The following VTCN1 variants were observed in gnomAD, a reference collection of about 807,000 sequenced individuals.
VTCN1 encodes V-set domain-containing T-cell activation inhibitor 1.
VTCN1 carries 26 observed loss-of-function variants against 26.5 expected under a neutral mutation model. The ratio of observed to expected loss-of-function variants is 0.98; its 90% CI spans 0.72 to 1.36. The LOEUF is 1.36. Ranked by LOEUF, VTCN1 falls within the 40% of genes most tolerant of loss-of-function variation. VTCN1 has a pLI of 0.00. For missense variants in VTCN1, 298 were observed against 337.7 expected, an observed-to-expected ratio of 0.88 and a Z score of 0.92; for synonymous variants, 116 against 130.7, an observed-to-expected ratio of 0.89 and a Z score of 0.77.
intron 4 of VTCN1, among the ~76,000 whole-genome samples, chr1:117,149,724 A>C (rs1651695983): frequency 1.3e-5 from 2 of 152,248 alleles, no homozygotes; most frequent in African/African-American, 4.8e-5. Context: ...TACTCTGAAC[A>C]TACTTGGCAC....
At chr1:117,171,223 C>T (rs981240212) in intron 1 of VTCN1, among the ~76,000 whole-genome samples, 11 of 152,104 alleles carry the variant, frequency 7.2e-5, no homozygotes, top group East Asian at 1.9e-4. Context: ...ATGGTGTATA[C>T]GTGCCACATT....
intron 1 of VTCN1, among the ~76,000 whole-genome samples, chr1:117,170,964 C>A (rs1171181308): frequency 6.6e-6 from 1 of 152,140 alleles, no homozygotes; most frequent in Non-Finnish European, 1.5e-5. Context: ...GGTTTTAAGA[C>A]CTGCATGCAT....
At chr1:117,196,121 C>T (rs1648495305) in intron 1 of VTCN1, among the ~76,000 whole-genome samples, 1 of 151,978 alleles carries the variant, frequency 6.6e-6, no homozygotes, top group African/African-American at 2.4e-5. Context: ...CACTGCACTC[C>T]AGGTGAGGCA....
At chr1:117,195,262 AAATAATAATAATAAT>A (rs61710825) in intron 1 of VTCN1, among the ~76,000 whole-genome samples, 26 of 142,498 alleles carry the variant, frequency 1.8e-4, no homozygotes, top group South Asian at 2.3e-4. Flanking sequence ...CTCCGTCTCA[AAATAATAATAATAAT>A]AATAATAATA....
intron 3 of VTCN1, among the ~76,000 whole-genome samples, chr1:117,156,326 A>C (rs1652067158): frequency 6.6e-6 from 1 of 152,226 alleles, no homozygotes; most frequent in South Asian, 2.1e-4. Context: ...ATTTTGTTGA[A>C]TAGAGAACAC....
At chr1:117,176,745 C>T (rs1395946161) in intron 1 of VTCN1, among the ~76,000 whole-genome samples, 1 of 152,146 alleles carries the variant, frequency 6.6e-6, no homozygotes. Context: ...CACAAACCAA[C>T]GAGGTGACTA....
In VTCN1 at chr1:117,148,631, T is replaced by C. The variant is rs115935970; in HGVS notation, c.725-849A>G. Among the ~76,000 whole-genome samples the C allele has an allele frequency of 4.7e-3, 717 of 152,294 alleles. 4 individuals are homozygous for C. The highest frequency in any genetic ancestry group is 0.017 in the African/African-American group (696 of 41,564). On this transcript the variant is annotated intron_variant, in intron 4 of 5. Coordinates refer to ENST00000369458, the MANE Select transcript of VTCN1 (RefSeq NM_024626.4). ...CTGCTAGATATGTCATTTAAAAACA[T>C]AATTATTCAGTAAATATTTCTGAGT... is the stretch of plus-strand genomic sequence containing the variant.
intron 1 of VTCN1, among the ~76,000 whole-genome samples, chr1:117,202,683 G>A (rs192364968): frequency 3.3e-5 from 5 of 152,302 alleles, no homozygotes; most frequent in Admixed American, 2.6e-4. Flanking sequence ...CCATTTTACA[G>A]ATGAGGAATC....
rs976191415 is a variant in VTCN1, at chr1:117,147,867, T to G, written c.725-85A>C. The G allele has an allele frequency of 6.6e-7, 1 of 1,515,164 alleles. No individual in the cohort carries two copies. The highest frequency in any genetic ancestry group is 1.4e-5 in the African/African-American group (1 of 70,932). 93.9% of individuals were successfully genotyped at this position (1,515,164 alleles called of 1,614,324 possible). On this transcript the variant is annotated intron_variant, in intron 4 of 5. Transcript: ENST00000369458. This position sits in a 1 kb window ranked among gnomAD's most constrained non-coding sequence, Gnocchi z 4.6. Reference sequence around the variant, plus strand: ...TGACTGGTTAGCAAAGAAAAGTACCTGAAAAACAGAACAAGTTGTTCCTAA... The same window carrying G: ...TGACTGGTTAGCAAAGAAAAGTACCGGAAAAACAGAACAAGTTGTTCCTAA...
Position 117,187,888 on chromosome 1 carries a change from T to TA in VTCN1, c.33-17718dup, listed in dbSNP as rs962523694. Among the ~76,000 whole-genome samples the TA allele has an allele frequency of 2.6e-5, 4 of 151,596 alleles. No individual in the cohort carries two copies. In the South Asian group the frequency reaches 6.2e-4, roughly 24 times the overall value. On this transcript the variant is annotated intron_variant, in intron 1 of 5. Coordinates refer to ENST00000369458, the MANE Select transcript of VTCN1 (RefSeq NM_024626.4). ...AATGAAAAAAAGAAAAGAAAAAAACTAAAAAAAGGGGGGATCTTTGACAAT... is the reference window on the plus strand; with the variant it reads ...AATGAAAAAAAGAAAAGAAAAAAACTAAAAAAAAGGGGGGATCTTTGACAAT...
intron 1 of VTCN1, among the ~76,000 whole-genome samples, chr1:117,194,582 C>T (rs1570985073): frequency 6.6e-6 from 1 of 152,152 alleles, no homozygotes; most frequent in East Asian, 1.9e-4. Flanking sequence ...ACGTTCATTG[C>T]AGCATTATTC....
rs68151432 is a variant in VTCN1, at chr1:117,196,403, T to TAG, written c.32+14419_32+14420dup. 1.8e-3 allele frequency among the ~76,000 whole-genome samples: 259 copies of TAG among 145,238 alleles called. 1 individual carries two copies. Among genetic ancestry groups the TAG allele is most frequent in the South Asian group, 6.4e-3 (29 of 4,562 alleles). ...TGTATTAAATACATATATATATATATAGAGAGAGAGAGAGAGAGAGACGGA... is the reference window on the plus strand; with the variant it reads ...TGTATTAAATACATATATATATATATAGAGAGAGAGAGAGAGAGAGAGACGGA... On this transcript the variant is annotated intron_variant, in intron 1 of 5. Transcript: ENST00000369458.
chr1:117,167,202 T>C lies in VTCN1; in HGVS notation c.97+2905A>G, dbSNP rs1482389166. Among the ~76,000 whole-genome samples, 1 of 152,214 alleles carries C rather than the reference T, an allele frequency of 6.6e-6. No homozygotes were observed. Among genetic ancestry groups the C allele is most frequent in the Non-Finnish European group, 1.5e-5 (1 of 68,034 alleles). ...ATACATTTACAAATGTTTTTGTATG[T>C]CTGTACTGAAGTATACAAACATAAA... On this transcript the variant is annotated intron_variant, in intron 2 of 5. Transcript: ENST00000369458. This position sits in a 1 kb window ranked among gnomAD's most constrained non-coding sequence, Gnocchi z 4.1.
chr1:117,181,253 C>T (rs367652152), intron 1 of VTCN1, among the ~76,000 whole-genome samples: 1 of 126,924 alleles, frequency 7.9e-6, no homozygotes, highest in African/African-American at 3.5e-5. Flanking sequence ...CCTGTCTTTA[C>T]AAAAAAAAAA....
At chr1:117,204,605 G>A (rs888968330) in intron 1 of VTCN1, among the ~76,000 whole-genome samples, 31 of 152,192 alleles carry the variant, frequency 2.0e-4, no homozygotes, top group African/African-American at 7.0e-4. Flanking sequence ...GGTGGCTCAC[G>A]CCTGTAATCC....
In VTCN1 at chr1:117,169,957, T is replaced by C. The variant is rs1453108169; in HGVS notation, c.97+150A>G. 3.8e-5 allele frequency: 26 copies of C among 691,300 alleles called. No homozygotes were observed. In the East Asian group the frequency reaches 6.1e-4, roughly 16 times the overall value. The allele number at this position is 691,300 out of a possible 1,614,324, so 42.8% of individuals were successfully genotyped here. A position where few individuals can be genotyped will look rare whatever the true frequency, so the allele number is the denominator to read the frequency against. ...AAGTCGAGGACTTAACTGACTAATG[T>C]AGAGAAAGCACAAGAAGTAGAAGAA... On this transcript the variant is annotated intron_variant, in intron 2 of 5. Coordinates refer to ENST00000369458, the MANE Select transcript of VTCN1 (RefSeq NM_024626.4). This position sits in a 1 kb window ranked among gnomAD's most constrained non-coding sequence, Gnocchi z 4.0.
At chr1:117,148,315 CTT>C (rs1234821994) in intron 4 of VTCN1, among the ~76,000 whole-genome samples, 2 of 152,204 alleles carry the variant, frequency 1.3e-5, no homozygotes, top group Admixed American at 1.3e-4. Context: ...AGCTGTGTGA[CTT>C]TAGGCAAGTT....
chr1:117,146,337 A>C lies in VTCN1; in HGVS notation c.*46-1112T>G, dbSNP rs1424704782. ...AAACTGGCGGGTTTCCTTACAAAGAATCTCCTTTGTTCACTGCACTATAGT... is the reference window on the plus strand; with the variant it reads ...AAACTGGCGGGTTTCCTTACAAAGACTCTCCTTTGTTCACTGCACTATAGT... On this transcript the variant is annotated intron_variant, in intron 5 of 5. Coordinates refer to ENST00000369458, the MANE Select transcript of VTCN1 (RefSeq NM_024626.4). The surrounding 1 kb of genome is among the most constrained non-coding windows in gnomAD (Gnocchi z 4.2). Among the ~76,000 whole-genome samples the C allele has an allele frequency of 6.6e-6, 1 of 152,180 alleles. No individual in the cohort carries two copies. The highest frequency in any genetic ancestry group is 1.5e-5 in the Non-Finnish European group (1 of 68,040).
chr1:117,203,848 A>C, intron 1 of VTCN1: 1 of 926,984 alleles, frequency 1.1e-6, no homozygotes, highest in Non-Finnish European at 1.3e-6. Context: ...CCCTGCCCCC[A>C]GAATTTCTGA....
Sources: allele counts gnomAD v4.1 joint callset (sites outside exome capture counted in the v4.1 genomes callset), GRCh38; gene constraint gnomAD v4.1.1; non-coding constraint Gnocchi (gnomAD v3.1); transcripts MANE v1.5; gene names NCBI Gene and HGNC (gene_info 2026-07-23, HGNC 2026-07-21).